Variants in NAALADL2 observed in about 807,000 individuals in gnomAD.
NAALADL2 encodes inactive N-acetylated-alpha-linked acidic dipeptidase-like protein 2.
NAALADL2 carries 76 observed loss-of-function variants against 87.2 expected under a neutral mutation model. That is an observed-to-expected ratio of 0.87 (90% CI 0.72 to 1.05). The LOEUF is 1.05. NAALADL2 is among the 50% of genes least tolerant of loss of function. The probability of loss-of-function intolerance (pLI) is 0.00; values close to 1 mark genes in which losing one functional copy is unlikely to be tolerated. For missense variants in NAALADL2, 1,089 were observed against 945.8 expected (o/e 1.15, Z -1.99); for synonymous variants, 354 against 331.0 (o/e 1.07, Z -0.75).
chr3:175,490,423 G>C (rs1727892140), intron 9 of NAALADL2, among the ~76,000 whole-genome samples: 1 of 152,002 alleles, frequency 6.6e-6, no homozygotes, highest in Admixed American at 6.6e-5. Flanking sequence ...GTCTCACTCT[G>C]TCACCCTGGC....
chr3:174,702,493 T>C (rs1729651873), intron 2 of NAALADL2, among the ~76,000 whole-genome samples: 3 of 152,144 alleles, frequency 2.0e-5, no homozygotes, highest in Admixed American at 2.0e-4. Flanking sequence ...ATCTAATGTA[T>C]GGTCACACGT....
chr3:174,789,463 C>G (rs1196184591), intron 3 of NAALADL2, among the ~76,000 whole-genome samples: 2 of 152,098 alleles, frequency 1.3e-5, no homozygotes, highest in African/African-American at 4.8e-5. Context: ...TTTGAGAAAG[C>G]TGTGAAAGCT....
At chr3:175,617,053 C>T (rs1182425601) in intron 10 of NAALADL2, among the ~76,000 whole-genome samples, 2 of 152,134 alleles carry the variant, frequency 1.3e-5, no homozygotes, top group African/African-American at 2.4e-5. Context: ...AAAATATCCC[C>T]ACCTAGCAGA....
intron 13 of NAALADL2, among the ~76,000 whole-genome samples, chr3:175,787,566 C>G (rs1185477008): frequency 6.6e-6 from 1 of 152,158 alleles, no homozygotes; most frequent in East Asian, 1.9e-4. Context: ...CGCCCTGCTT[C>G]GGCTCGCGCA....
At chr3:175,618,537 G>A (rs1254246311) in intron 10 of NAALADL2, among the ~76,000 whole-genome samples, 2 of 152,142 alleles carry the variant, frequency 1.3e-5, no homozygotes, top group South Asian at 2.1e-4. Flanking sequence ...GGGTCTGAGA[G>A]TCAAAGGAGT....
intron 3 of NAALADL2, among the ~76,000 whole-genome samples, chr3:174,782,125 C>G (rs1426704238): frequency 6.6e-6 from 1 of 152,038 alleles, no homozygotes; most frequent in Non-Finnish European, 1.5e-5. Flanking sequence ...CTGCTGAGAA[C>G]AGTTTACTCT....
At chr3:174,575,596 A>G (rs1054808072) in intron 2 of NAALADL2, among the ~76,000 whole-genome samples, 2 of 152,204 alleles carry the variant, frequency 1.3e-5, no homozygotes, top group Non-Finnish European at 2.9e-5. Flanking sequence ...GCCAGAAACT[A>G]TGAGGAAAAA....
intron 5 of NAALADL2, among the ~76,000 whole-genome samples, chr3:175,405,646 C>T (rs907656329): frequency 6.6e-6 from 1 of 152,076 alleles, no homozygotes; most frequent in Non-Finnish European, 1.5e-5. Flanking sequence ...ATCCTGGTGA[C>T]TTAATAATTT....
In NAALADL2 at chr3:174,882,784, T is replaced by C. The variant is rs13317211; in HGVS notation, c.43+23334T>C. Among the ~76,000 whole-genome samples, 790 of 106,940 alleles carry C rather than the reference T, an allele frequency of 7.4e-3. 9 individuals carry two copies. Among genetic ancestry groups the C allele is most frequent in the African/African-American group, 0.032 (715 of 22,486 alleles). The allele number at this position is 106,940 out of a possible 152,430, so 70.2% of individuals were successfully genotyped here. A position where few individuals can be genotyped will look rare whatever the true frequency, so the allele number is the denominator to read the frequency against. ...ATATACACACGTGTATATATACATA[T>C]GTGTATATATACACGTGTGTATATG... On this transcript the variant is annotated intron_variant, in intron 1 of 13. Coordinates refer to ENST00000454872, the MANE Select transcript of NAALADL2 (RefSeq NM_207015.3).
rs1342908008 is a variant in NAALADL2 at position 174,817,129 on chromosome 3, A to C, written c.-9+79383A>C. Among the ~76,000 whole-genome samples the C allele has an allele frequency of 2.6e-5, 4 of 152,194 alleles. No individual in the cohort carries two copies. In the South Asian group the frequency reaches 8.3e-4, roughly 31 times the overall value. ...GTTTGGATAAGGCAAACAGACATTCAAAAGGAAAATCAACACATTGAGTGA... is the reference window on the plus strand; with the variant it reads ...GTTTGGATAAGGCAAACAGACATTCCAAAGGAAAATCAACACATTGAGTGA... On this transcript the variant is annotated intron_variant, in intron 3 of 3. Transcript: ENST00000434257.
intron 9 of NAALADL2, among the ~76,000 whole-genome samples, chr3:175,496,525 A>G (rs914456333): frequency 1.3e-5 from 2 of 152,046 alleles, no homozygotes; most frequent in African/African-American, 4.8e-5. Context: ...TTCATAATGT[A>G]TTTATATTGA....
At chr3:175,346,553 T>C (rs1763178326) in intron 5 of NAALADL2, among the ~76,000 whole-genome samples, 1 of 152,204 alleles carries the variant, frequency 6.6e-6, no homozygotes, top group South Asian at 2.1e-4. Context: ...CTTTTGTTAA[T>C]TAACCTTTCT....
chr3:175,602,463 T>TATAC (rs1723099077), intron 10 of NAALADL2, among the ~76,000 whole-genome samples: 2 of 150,158 alleles, frequency 1.3e-5, no homozygotes, highest in African/African-American at 5.0e-5. Flanking sequence ...TGTATCTATA[T>TATAC]ATATAGAGAG....
chr3:174,711,987 C>T (rs571191137), intron 2 of NAALADL2, among the ~76,000 whole-genome samples: 43 of 151,994 alleles, frequency 2.8e-4, no homozygotes, highest in African/African-American at 8.4e-4. Flanking sequence ...TTAGTAGAGA[C>T]GGGGTTTCAC....
At chr3:174,926,998 G>T (rs903168367) in intron 1 of NAALADL2, among the ~76,000 whole-genome samples, 8 of 150,208 alleles carry the variant, frequency 5.3e-5, no homozygotes, top group African/African-American at 2.0e-4. Flanking sequence ...TCAAAATAAA[G>T]GGATGGAAGA....
rs1745439043 is a variant in NAALADL2 at position 175,234,137 on chromosome 3, C to T, written c.752C>T (p.Ala251Val). The change falls in exon 3 of 14, where the codon GCC (alanine) becomes GTC (valine). Residue 251 changes from alanine to valine, a missense_variant. Physicochemically the swap from Ala to Val is moderately conservative, Grantham distance 64 (BLOSUM62 0). Transcript: ENST00000454872. ...HPNGQPCSEE[A>V]RKDSSQDLLY... ...AATGGCCAGCCTTGCAGTGAAGAAGCCAGAAAAGATAGCAGCCAAGACCTG... is the reference window on the plus strand; with the variant it reads ...AATGGCCAGCCTTGCAGTGAAGAAGTCAGAAAAGATAGCAGCCAAGACCTG... 6.2e-7 allele frequency: 1 copy of T among 1,613,700 alleles called. No individual in the cohort carries two copies. Among genetic ancestry groups the T allele is most frequent in the Non-Finnish European group, 8.5e-7 (1 of 1,179,824 alleles).
intron 4 of NAALADL2, among the ~76,000 whole-genome samples, chr3:175,309,463 G>A (rs1209163779): frequency 6.6e-6 from 1 of 152,058 alleles, no homozygotes; most frequent in Non-Finnish European, 1.5e-5. Context: ...TGGGATTACA[G>A]GCATGAGCCA....
intron 9 of NAALADL2, among the ~76,000 whole-genome samples, chr3:175,571,245 C>A (rs972995239): frequency 3.3e-5 from 5 of 152,112 alleles, no homozygotes; most frequent in Non-Finnish European, 7.4e-5. Flanking sequence ...GTAGTGATTT[C>A]ATTTCAGGTC....
intron 4 of NAALADL2, among the ~76,000 whole-genome samples, chr3:175,285,784 GTTA>G (rs1754904013): frequency 1.3e-5 from 2 of 151,882 alleles, no homozygotes; most frequent in Non-Finnish European, 1.5e-5. Context: ...GCATTAACAT[GTTA>G]TTATGTGTAT....
Sources: gnomAD v4.1 joint callset for allele counts (sites outside exome capture counted in the v4.1 genomes callset) on GRCh38, gnomAD v4.1.1 for gene constraint, MANE v1.5 for transcripts, NCBI Gene and HGNC (gene_info 2026-07-23, HGNC 2026-07-21) for gene names.